CPT2: variants seen among roughly 807,000 people sequenced by gnomAD.
CPT2 encodes the protein carnitine palmitoyltransferase 2, also known as carnitine O-palmitoyltransferase 2, mitochondrial.
A neutral mutation model predicts 48.6 loss-of-function variants in CPT2; 37 were observed. The ratio of observed to expected loss-of-function variants is 0.76; its 90% CI spans 0.59 to 1.00. The LOEUF (loss-of-function observed/expected upper bound fraction) is 1.00, where lower values mean the gene tolerates loss of function less well. CPT2 is among the 50% of genes least tolerant of loss of function. CPT2 has a pLI of 0.00. For synonymous variants in CPT2, 319 were observed against 326.9 expected, an observed-to-expected ratio of 0.98 and a Z score of 0.26; for missense variants, 772 against 825.6, an observed-to-expected ratio of 0.94 and a Z score of 0.80.
At chr1:53,199,442 G>A (rs1293996966) in intron 1 of CPT2, among the ~76,000 whole-genome samples, 4 of 152,186 alleles carry the variant, frequency 2.6e-5, no homozygotes, top group East Asian at 1.9e-4. Context: ...TGCCTGCCTC[G>A]GCCTCCCAAA....
chr1:53,213,265 C>T lies in CPT2; in HGVS notation c.1647C>T (p.Gly549=). The T allele has an allele frequency of 3.1e-6, 5 of 1,614,134 alleles. No individual in the cohort carries two copies. The South Asian group carries it at 4.4e-5, about 14-fold the overall frequency. ...GGTTTTCCATTTTGTTTCTCACAGG[C>T]CAGGGCTTTGACCGACACTTGTTTG... ...HGQLTKEAAM[G]QGFDRHLFAL... The change falls in exon 5 of 5, where the codon GGC becomes GGT. Residue 549 remains glycine, a splice_region_variant and synonymous_variant. Coordinates refer to ENST00000371486, the MANE Select transcript of CPT2 (RefSeq NM_000098.3).
At chr1:53,197,864 A>G (rs1350035420) in intron 1 of CPT2, among the ~76,000 whole-genome samples, 1 of 151,814 alleles carries the variant, frequency 6.6e-6, no homozygotes, top group East Asian at 1.9e-4. Flanking sequence ...TCAGTACCCC[A>G]TCCACACTCC....
chr1:53,197,012 G>T lies in CPT2; in HGVS notation c.69G>T (p.Arg23=), dbSNP rs1353591461. Residue 23 remains arginine (R), a synonymous_variant, in exon 1 of 5, where the codon CGG becomes CGT. Coordinates refer to ENST00000371486, the MANE Select transcript of CPT2 (RefSeq NM_000098.3). Reference sequence around the variant, plus strand: ...CGGTTGGTCCGGGAGCCCCCAGTCGGCCCCTCAGCGCCGGCTCCGGGCCCG... The same window carrying T: ...CGGTTGGTCCGGGAGCCCCCAGTCGTCCCCTCAGCGCCGGCTCCGGGCCCG... ...GPAVGPGAPS[R]PLSAGSGPGQ... 4 of 1,533,484 alleles carry T rather than the reference G, an allele frequency of 2.6e-6. No individual in the cohort carries two copies. In the African/African-American group the frequency reaches 5.5e-5, roughly 21 times the overall value. 95.0% of individuals were successfully genotyped at this position (1,533,484 alleles called of 1,614,324 possible).
Position 53,213,415 on chromosome 1 carries a change from T to C in CPT2, c.1797T>C (p.Leu599=), listed in dbSNP as rs1198321504. The change falls in exon 5 of 5, where the codon CTT becomes CTC. Residue 599 remains leucine, a synonymous_variant. Coordinates refer to ENST00000371486, the MANE Select transcript of CPT2 (RefSeq NM_000098.3). ...TSTLSSPAVN[L]GGFAPVVSDG... is the part of the protein sequence containing the mutation. ...CACTGAGCAGCCCAGCAGTGAACCT[T>C]GGGGGCTTTGCCCCTGTGGTCTCTG... is the stretch of plus-strand genomic sequence containing the variant. 1 of 1,614,236 alleles carries C rather than the reference T, an allele frequency of 6.2e-7. No homozygotes were observed. The highest frequency in any genetic ancestry group is 1.7e-5 in the Admixed American group (1 of 60,022).
intron 3 of CPT2, among the ~76,000 whole-genome samples, chr1:53,204,891 T>G (rs1026705513): frequency 3.9e-5 from 6 of 152,184 alleles, no homozygotes; most frequent in African/African-American, 1.4e-4. Flanking sequence ...GATTGTAAGT[T>G]TCCTGAGGCC....
At position 53,213,789 on chromosome 1, in the gene CPT2, T is replaced by G; in HGVS notation, c.*194T>G. ...ACTAAAAATACAAAAATTAGCTGGGTGTGGTGGCATGTGCCTATAATCCCA... is the reference window on the plus strand; with the variant it reads ...ACTAAAAATACAAAAATTAGCTGGGGGTGGTGGCATGTGCCTATAATCCCA... On this transcript the variant is annotated 3_prime_UTR_variant, in exon 5 of 5. Coordinates refer to ENST00000371486, the MANE Select transcript of CPT2 (RefSeq NM_000098.3). The G allele has an allele frequency of 1.8e-6, 1 of 558,568 alleles. No individual in the cohort carries two copies. 34.6% of individuals were successfully genotyped at this position (558,568 alleles called of 1,614,324 possible).
At position 53,197,107 on chromosome 1, in the gene CPT2, C is replaced by T. The variant is rs1194125109; in HGVS notation, c.152+12C>T. Reference sequence around the variant, plus strand: ...GACAGCCTGCCCAGGTGAGCCTGGCCTCCGGGTCCCCGCCGCCCGCCGCCG... The same window carrying T: ...GACAGCCTGCCCAGGTGAGCCTGGCTTCCGGGTCCCCGCCGCCCGCCGCCG... On this transcript the variant is annotated intron_variant, in intron 1 of 4. Coordinates refer to ENST00000371486, the MANE Select transcript of CPT2 (RefSeq NM_000098.3). 4.6e-6 allele frequency: 7 copies of T among 1,537,264 alleles called. No individual in the cohort carries two copies. The highest frequency in any genetic ancestry group is 2.7e-5 in the African/African-American group (2 of 72,984).
rs1399429530 is a variant in CPT2, at chr1:53,197,005, C to G, written c.62C>G (p.Pro21Arg). ...PRGPAVGPGA[P>R]SRPLSAGSGP... ...GGCCCCGCGGTTGGTCCGGGAGCCC[C>G]CAGTCGGCCCCTCAGCGCCGGCTCC... Residue 21 changes from proline (P) to arginine (R), a missense_variant, in exon 1 of 5, where the codon CCC becomes CGC. Transcript: ENST00000371486. 1.3e-6 allele frequency: 2 copies of G among 1,533,108 alleles called. No individual in the cohort carries two copies. The highest frequency in any genetic ancestry group is 2.4e-5 in the South Asian group (2 of 83,718). The allele number at this position is 1,533,108 out of a possible 1,614,324, so 95.0% of individuals were successfully genotyped here.
intron 2 of CPT2, chr1:53,201,298 G>C: frequency 5.3e-6 from 1 of 187,006 alleles, no homozygotes; most frequent in Non-Finnish European, 1.1e-5. Context: ...GAGTATTGTG[G>C]GTCCTTAATT....
At chr1:53,213,169 C>A in intron 4 of CPT2, 95 bp from the exon 5 acceptor site, 2 of 1,208,916 alleles carry the variant, frequency 1.7e-6, no homozygotes, top group Non-Finnish European at 1.2e-6. Context: ...CTCAAGGATG[C>A]TGTGAGGGGT....
At chr1:53,209,456 T>C (rs1043266718) in intron 3 of CPT2, 5 of 162,902 alleles carry the variant, frequency 3.1e-5, no homozygotes, top group Non-Finnish European at 5.4e-5. Context: ...TATATCCATA[T>C]AATGGAACAT....
intron 2 of CPT2, chr1:53,201,533 G>A (rs933008698): frequency 1.3e-5 from 2 of 153,306 alleles, no homozygotes; most frequent in African/African-American, 4.8e-5. Flanking sequence ...AACTGTGAGA[G>A]AATAAATTTC....
chr1:53,199,916 G>A (rs1370867799), intron 1 of CPT2: 8 of 152,168 alleles, frequency 5.3e-5, no homozygotes, highest in South Asian at 2.1e-4. Flanking sequence ...GCATATCAGT[G>A]TTAATTTTGA....
intron 1 of CPT2, among the ~76,000 whole-genome samples, chr1:53,198,570 G>T (rs556179690): frequency 2.6e-5 from 4 of 152,342 alleles, no homozygotes; most frequent in African/African-American, 9.6e-5. Context: ...GGTGAAAGGT[G>T]AGGACTGACA....
Position 53,210,207 on chromosome 1 carries a change from T to C in CPT2, c.533T>C (p.Leu178Ser). Residue 178 changes from leucine to serine, a missense_variant, in exon 4 of 5, where the codon TTG (leucine) becomes TCG (serine). Transcript: ENST00000371486. ...AGLLEPEVFH[L>S]NPAKSDTITF... ...CTTCTGGAGCCAGAAGTGTTCCACTTGAACCCTGCAAAAAGTGACACTATC... is the reference window on the plus strand; with the variant it reads ...CTTCTGGAGCCAGAAGTGTTCCACTCGAACCCTGCAAAAAGTGACACTATC... The C allele has an allele frequency of 6.2e-7, 1 of 1,614,170 alleles. No individual in the cohort carries two copies. Among genetic ancestry groups the C allele is most frequent in the Non-Finnish European group, 8.5e-7 (1 of 1,180,028 alleles).
At position 53,196,867 on chromosome 1, in the gene CPT2, A is replaced by ACGG; in HGVS notation, c.-66_-64dup. On this transcript the variant is annotated 5_prime_UTR_variant, in exon 1 of 5. Coordinates refer to ENST00000371486, the MANE Select transcript of CPT2 (RefSeq NM_000098.3). ...TCCTGACGCAGTGTCTTGGGCGCTA[A>ACGG]CGGCGGCGGCGGCCTTGTGTTTAGA... 2 of 1,509,334 alleles carry ACGG rather than the reference A, an allele frequency of 1.3e-6. No individual in the cohort carries two copies. Among genetic ancestry groups the ACGG allele is most frequent in the Non-Finnish European group, 1.8e-6 (2 of 1,129,462 alleles). 93.5% of individuals were successfully genotyped at this position (1,509,334 alleles called of 1,614,324 possible).
rs756414686 is a variant in CPT2 at position 53,213,384 on chromosome 1, C to T, written c.1766C>T (p.Thr589Met). Residue 589 changes from threonine to methionine, a missense_variant, in exon 5 of 5, where the codon ACG becomes ATG. Transcript: ENST00000371486. ...YGQINHNVLS[T>M]STLSSPAVNL... Reference sequence around the variant, plus strand: ...CAGATAAACCACAATGTCCTGTCCACGAGCACACTGAGCAGCCCAGCAGTG... The same window carrying T: ...CAGATAAACCACAATGTCCTGTCCATGAGCACACTGAGCAGCCCAGCAGTG... 3.1e-6 allele frequency: 5 copies of T among 1,614,236 alleles called. No individual in the cohort carries two copies. Among genetic ancestry groups the T allele is most frequent in the East Asian group, 2.2e-5 (1 of 44,888 alleles).
chr1:53,213,253 G>C lies in CPT2; in HGVS notation c.1646-11G>C, dbSNP rs781302472. On this transcript the variant is annotated splice_polypyrimidine_tract_variant and intron_variant, in intron 4 of 4. Coordinates refer to ENST00000371486, the MANE Select transcript of CPT2 (RefSeq NM_000098.3). ...TCCTGAGACTCTGGTTTTCCATTTT[G>C]TTTCTCACAGGCCAGGGCTTTGACC... is the stretch of plus-strand genomic sequence containing the variant. 6.2e-7 allele frequency: 1 copy of C among 1,613,904 alleles called. No individual in the cohort carries two copies. The highest frequency in any genetic ancestry group is 8.5e-7 in the Non-Finnish European group (1 of 1,180,020).
At chr1:53,206,621 C>T (rs1464498847) in intron 3 of CPT2, among the ~76,000 whole-genome samples, 1 of 152,214 alleles carries the variant, frequency 6.6e-6, no homozygotes, top group Non-Finnish European at 1.5e-5. Context: ...TAATGGCTGC[C>T]CTGCTGGATT....
Sources: allele counts gnomAD v4.1 joint callset (sites outside exome capture counted in the v4.1 genomes callset), GRCh38; gene constraint gnomAD v4.1.1; transcripts MANE v1.5; gene names NCBI Gene and HGNC (gene_info 2026-07-23, HGNC 2026-07-21).